Variants in FANCC observed in about 807,000 individuals in gnomAD.
The protein encoded by FANCC is Fanconi anemia group C protein.
A neutral mutation model predicts 71.3 loss-of-function variants in FANCC; 55 were observed. That is an observed-to-expected ratio of 0.77 (90% confidence interval 0.62 to 0.97). FANCC has a LOEUF of 0.97. Among genes scored for constraint, FANCC ranks in the 50% least tolerant of loss-of-function variants. The pLI is 0.00. For synonymous variants in FANCC, 275 were observed against 244.9 expected (o/e 1.12, Z -1.15); for missense variants, 678 against 670.9 (o/e 1.01, Z -0.12).
chr9:95,154,331 G>A (rs1005569688), intron 6 of FANCC, among the ~76,000 whole-genome samples: 3 of 151,150 alleles, frequency 2.0e-5, no homozygotes, highest in African/African-American at 7.3e-5. Flanking sequence ...TTTCTGATAG[G>A]AACATAAATA....
chr9:95,233,833 C>G (rs2136008440), intron 4 of FANCC, among the ~76,000 whole-genome samples: 1 of 152,204 alleles, frequency 6.6e-6, no homozygotes, highest in East Asian at 1.9e-4. Flanking sequence ...TAATATTTCA[C>G]AAATGTACTC....
At position 95,114,224 on chromosome 9, in the gene FANCC, C is replaced by T. The variant is rs1287235899; in HGVS notation, c.1154+405G>A. ...TGTGTAGGAGTTTCAAATCTCCTTC[C>T]CTAGAGAGGTAGAGGGAAGACCACA... On this transcript the variant is annotated intron_variant, in intron 12 of 14. Transcript: ENST00000289081. 3 of 298,130 alleles carry T rather than the reference C, an allele frequency of 1.0e-5. No homozygotes were observed. The East Asian group carries it at 2.3e-4, about 23-fold the overall frequency. 18.5% of individuals were successfully genotyped at this position (298,130 alleles called of 1,614,324 possible). A position where few individuals can be genotyped will look rare whatever the true frequency, so the allele number is the denominator to read the frequency against.
At chr9:95,198,282 T>C (rs1047372678) in intron 4 of FANCC, among the ~76,000 whole-genome samples, 1 of 152,154 alleles carries the variant, frequency 6.6e-6, no homozygotes, top group Admixed American at 6.5e-5. Context: ...ATTAAAACAT[T>C]TTTGTGGCTT....
intron 4 of FANCC, among the ~76,000 whole-genome samples, chr9:95,189,128 C>T (rs940867290): frequency 5.3e-5 from 8 of 152,124 alleles, no homozygotes; most frequent in Admixed American, 2.6e-4. Flanking sequence ...TTTACATCCA[C>T]AGCCAAAACA....
intron 10 of FANCC, among the ~76,000 whole-genome samples, chr9:95,124,284 A>C (rs1825621634): frequency 6.6e-6 from 1 of 152,118 alleles, no homozygotes. Context: ...GCACTGGACC[A>C]GCACCACTCT....
Position 95,268,337 on chromosome 9 carries a change from G to A in FANCC, c.-78-18968C>T, listed in dbSNP as rs937257933. 1.6e-4 allele frequency among the ~76,000 whole-genome samples: 25 copies of A among 152,276 alleles called. 1 individual carries two copies. Among genetic ancestry groups the A allele is most frequent in the African/African-American group, 5.8e-4 (24 of 41,546 alleles). ...CCATCATGGTATCACAACCAACTTCGGACCAAGGAACTCATTATATAGCAA... is the reference window on the plus strand; with the variant it reads ...CCATCATGGTATCACAACCAACTTCAGACCAAGGAACTCATTATATAGCAA... On this transcript the variant is annotated intron_variant, in intron 1 of 14. Coordinates refer to ENST00000289081, the MANE Select transcript of FANCC (RefSeq NM_000136.3).
chr9:95,146,695 C>G (rs4647502), intron 7 of FANCC, among the ~76,000 whole-genome samples: 3,437 of 151,986 alleles, frequency 0.023, 142 homozygotes, highest in African/African-American at 0.079. Context: ...TTATACCACA[C>G]AGTGGATTCA....
At chr9:95,310,596 G>T (rs994348629) in intron 1 of FANCC, among the ~76,000 whole-genome samples, 3 of 152,126 alleles carry the variant, frequency 2.0e-5, no homozygotes, top group Non-Finnish European at 2.9e-5. Flanking sequence ...ATTCAGACTG[G>T]ACTTGCTTGA....
At chr9:95,223,753 G>A (rs989733230) in intron 4 of FANCC, among the ~76,000 whole-genome samples, 6 of 152,142 alleles carry the variant, frequency 3.9e-5, no homozygotes, top group African/African-American at 1.4e-4. Context: ...AAGGCGGGTG[G>A]ATCACCTGAG....
rs1057515705 is a variant in FANCC, at chr9:95,101,609, A to AC, written c.*97dup. On this transcript the variant is annotated 3_prime_UTR_variant, in exon 15 of 15. Transcript: ENST00000289081. ...CTCATTCTCACAGCCCAGCGAGGGC[A>AC]CTTACTCCACAAATGCGTGGCCACA... is the stretch of plus-strand genomic sequence containing the variant. The AC allele has an allele frequency of 5.4e-4, 783 of 1,453,424 alleles. 7 individuals are homozygous for AC. Among genetic ancestry groups the AC allele is most frequent in the Non-Finnish European group, 1.2e-4 (123 of 1,050,610 alleles). 90.0% of individuals were successfully genotyped at this position (1,453,424 alleles called of 1,614,324 possible).
At chr9:95,224,499 T>C (rs1020945385) in intron 4 of FANCC, among the ~76,000 whole-genome samples, 8 of 151,510 alleles carry the variant, frequency 5.3e-5, no homozygotes, top group South Asian at 2.1e-4. Flanking sequence ...CTTTTGAAGA[T>C]TGGTTAAAAA....
intron 1 of FANCC, chr9:95,293,503 T>A: frequency 6.3e-7 from 1 of 1,587,574 alleles, no homozygotes. Flanking sequence ...CAAGTGAACT[T>A]GGGTAAAAGT....
Position 95,229,770 on chromosome 9 carries a change from TACACACACACAC to T in FANCC, c.345+10867_345+10878del, listed in dbSNP as rs3030656. ...CTGTCAGTGCTTGTGTGCACACATG[TACACACACACAC>T]ACACACACACACACACACACACATT... is the stretch of plus-strand genomic sequence containing the variant. On this transcript the variant is annotated intron_variant, in intron 4 of 14. Coordinates refer to ENST00000289081, the MANE Select transcript of FANCC (RefSeq NM_000136.3). 3.3e-3 allele frequency among the ~76,000 whole-genome samples: 487 copies of T among 148,424 alleles called. 17 individuals carry two copies. The East Asian group carries it at 0.083, about 25-fold the overall frequency.
chr9:95,153,583 G>A (rs1291848263), intron 6 of FANCC, among the ~76,000 whole-genome samples: 2 of 152,168 alleles, frequency 1.3e-5, no homozygotes, highest in Non-Finnish European at 2.9e-5. Context: ...GATTCGTGAT[G>A]TTGAGCATTT....
chr9:95,110,516 T>G (rs2071833089), intron 13 of FANCC: 1 of 1,030,632 alleles, frequency 9.7e-7, no homozygotes, highest in Admixed American at 5.7e-5. Flanking sequence ...GGGTTATAAT[T>G]TTTTCACAAA....
chr9:95,126,450 A>G (rs1825988889), intron 9 of FANCC, 79 bp downstream of exon 9: 6 of 1,343,332 alleles, frequency 4.5e-6, no homozygotes, highest in Non-Finnish European at 3.2e-6. Flanking sequence ...GCCAGAGACT[A>G]CCACAACATT....
intron 6 of FANCC, among the ~76,000 whole-genome samples, chr9:95,154,918 T>C (rs1196174046): frequency 6.6e-6 from 1 of 151,580 alleles, no homozygotes. Context: ...AAAATGAAAA[T>C]ATTCATGCTA....
chr9:95,112,236 G>A (rs1475768443), intron 12 of FANCC, among the ~76,000 whole-genome samples: 1 of 152,228 alleles, frequency 6.6e-6, no homozygotes, highest in African/African-American at 2.4e-5. Context: ...TACTAATTGT[G>A]TGCAGTGCCG....
chr9:95,166,875 C>G (rs1831097856), intron 6 of FANCC, among the ~76,000 whole-genome samples: 1 of 152,112 alleles, frequency 6.6e-6, no homozygotes, highest in Non-Finnish European at 1.5e-5. Context: ...TTGTGTTTGT[C>G]TGTATATTTA....
Sources: allele counts gnomAD v4.1 joint callset (sites outside exome capture counted in the v4.1 genomes callset), GRCh38; gene constraint gnomAD v4.1.1; transcripts MANE v1.5; gene names NCBI Gene and HGNC (gene_info 2026-07-23, HGNC 2026-07-21).